The following PDE1A variants were observed in gnomAD, a reference collection of about 807,000 sequenced individuals.
PDE1A encodes the protein phosphodiesterase 1A.
Under a neutral mutation model 61.7 loss-of-function variants are expected in PDE1A, and 35 were observed. The observed-to-expected ratio is 0.57, with a 90% CI of 0.43 to 0.75. The LOEUF (loss-of-function observed/expected upper bound fraction) is 0.75. Ranked by LOEUF, PDE1A falls within the 30% of genes least tolerant of loss-of-function variation. The pLI is 0.00. For synonymous variants in PDE1A, 232 were observed against 213.2 expected (o/e 1.09, Z -0.77); for missense variants, 597 against 630.6 (o/e 0.95, Z 0.57).
At chr2:182,466,967 G>A (rs997159292) in intron 2 of PDE1A, among the ~76,000 whole-genome samples, 1 of 152,024 alleles carries the variant, frequency 6.6e-6, no homozygotes, top group Non-Finnish European at 1.5e-5. Context: ...ACTAAGAGGA[G>A]CTCTTAAGAT....
chr2:182,409,641 G>C (rs1406553694), intron 1 of PDE1A, among the ~76,000 whole-genome samples: 1 of 152,120 alleles, frequency 6.6e-6, no homozygotes, highest in Non-Finnish European at 1.5e-5. Context: ...GTGCCTGTTT[G>C]CTTACTCTTC....
chr2:182,249,094 C>A (rs1429282591), intron 2 of PDE1A, among the ~76,000 whole-genome samples: 1 of 152,218 alleles, frequency 6.6e-6, no homozygotes, highest in East Asian at 1.9e-4. Context: ...GCTGGGCCAG[C>A]AACCTGCAGC....
At chr2:182,549,944 T>G in the PDE1A span, among the ~76,000 whole-genome samples, 30 of 152,214 alleles carry the variant, frequency 2.0e-4, no homozygotes, top group Non-Finnish European at 2.5e-4. Flanking sequence ...ATTATCTTTA[T>G]GTCTTACTTA....
At chr2:182,443,991 C>A (rs1348652665) in intron 2 of PDE1A, among the ~76,000 whole-genome samples, 5 of 152,092 alleles carry the variant, frequency 3.3e-5, no homozygotes, top group Admixed American at 6.6e-5. Context: ...GCGTGAGCCA[C>A]CGCGCCCGGC....
At chr2:182,276,006 A>G (rs1183044703) in intron 1 of PDE1A, among the ~76,000 whole-genome samples, 2 of 152,136 alleles carry the variant, frequency 1.3e-5, no homozygotes, top group Non-Finnish European at 2.9e-5. Context: ...AGGATAATAA[A>G]TAATACTCCT....
At chr2:182,567,005 T>C in the PDE1A span, among the ~76,000 whole-genome samples, 3 of 152,324 alleles carry the variant, frequency 2.0e-5, 1 homozygote, top group African/African-American at 7.2e-5. Flanking sequence ...AATGAACAAT[T>C]TGAAGTGTTA....
intron 2 of PDE1A, among the ~76,000 whole-genome samples, chr2:182,260,089 T>A (rs1692116845): frequency 6.6e-6 from 1 of 152,218 alleles, no homozygotes; most frequent in Non-Finnish European, 1.5e-5. Flanking sequence ...CTCACCAAAA[T>A]CATCTTTAAA....
intron 2 of PDE1A, among the ~76,000 whole-genome samples, chr2:182,452,053 A>G (rs1331812492): frequency 6.6e-6 from 1 of 152,044 alleles, no homozygotes; most frequent in Non-Finnish European, 1.5e-5. Context: ...ATCCAGGAAA[A>G]TCCAGGTGGC....
At chr2:182,282,899 C>A (rs1248280721) in intron 1 of PDE1A, among the ~76,000 whole-genome samples, 1 of 151,810 alleles carries the variant, frequency 6.6e-6, no homozygotes, top group Admixed American at 6.6e-5. Flanking sequence ...GTGGACACTG[C>A]GCCTTAAACT....
At chr2:182,377,510 G>C (rs527654839) in intron 1 of PDE1A, among the ~76,000 whole-genome samples, 1 of 152,084 alleles carries the variant, frequency 6.6e-6, no homozygotes, top group Non-Finnish European at 1.5e-5. Context: ...AGTGATGCAA[G>C]AACAGATTAA....
At chr2:182,344,748 T>TCA (rs1362629723) in intron 1 of PDE1A, among the ~76,000 whole-genome samples, 17 of 96,658 alleles carry the variant, frequency 1.8e-4, no homozygotes, top group East Asian at 1.1e-3. Flanking sequence ...TCTCTCTCTC[T>TCA]CTCACACACA....
At chr2:182,545,965 T>C in the PDE1A span, among the ~76,000 whole-genome samples, 8 of 152,322 alleles carry the variant, frequency 5.3e-5, no homozygotes, top group East Asian at 1.9e-4. Flanking sequence ...TTTTACTATA[T>C]AGAGAAGCAA....
At chr2:182,150,546 G>A (rs1264647538) in intron 13 of PDE1A, among the ~76,000 whole-genome samples, 1 of 152,104 alleles carries the variant, frequency 6.6e-6, no homozygotes, top group Non-Finnish European at 1.5e-5. Context: ...TTGTCAGCCA[G>A]GAAAAACAGT....
the PDE1A span, among the ~76,000 whole-genome samples, chr2:182,681,272 C>T: frequency 9.5e-4 from 144 of 151,948 alleles, no homozygotes; most frequent in African/African-American, 3.2e-3. Context: ...CTTCAATTCA[C>T]ATGTGTTTCA....
chr2:182,606,568 G>A, the PDE1A span, among the ~76,000 whole-genome samples: 42 of 152,106 alleles, frequency 2.8e-4, no homozygotes, highest in Non-Finnish European at 5.0e-4. Flanking sequence ...TGAGGATACA[G>A]CAGTGAACAA....
the PDE1A span, among the ~76,000 whole-genome samples, chr2:182,701,426 G>C: frequency 6.6e-6 from 1 of 150,612 alleles, no homozygotes; most frequent in Non-Finnish European, 1.5e-5. Flanking sequence ...TGTTGCCCAG[G>C]CTGGAGTGCA....
chr2:182,546,557 G>A, the PDE1A span, among the ~76,000 whole-genome samples: 20 of 152,166 alleles, frequency 1.3e-4, no homozygotes, highest in Non-Finnish European at 2.8e-4. Flanking sequence ...ACGAAGCATC[G>A]ATCACTCACA....
chr2:182,709,750 T>C, the PDE1A span, among the ~76,000 whole-genome samples: 1 of 152,236 alleles, frequency 6.6e-6, no homozygotes, highest in Non-Finnish European at 1.5e-5. Context: ...TTTATTACAC[T>C]GAGACTGGCA....
chr2:182,709,432 A>G, the PDE1A span, among the ~76,000 whole-genome samples: 1 of 152,236 alleles, frequency 6.6e-6, no homozygotes, highest in Non-Finnish European at 1.5e-5. Context: ...ATACATGCCA[A>G]GCACTGTTCT....
Sources: gnomAD v4.1 joint callset for allele counts (sites outside exome capture counted in the v4.1 genomes callset) on GRCh38, gnomAD v4.1.1 for gene constraint, MANE v1.5 for transcripts, NCBI Gene and HGNC (gene_info 2026-07-23, HGNC 2026-07-21) for gene names.